Variants in VSNL1 observed in about 807,000 individuals in gnomAD.
VSNL1 encodes visinin-like protein 1.
VSNL1 carries 6 observed loss-of-function variants against 20.4 expected under a neutral mutation model. The observed-to-expected ratio is 0.29, with a 90% CI of 0.16 to 0.58. VSNL1 has a LOEUF of 0.58. VSNL1 is among the 20% of genes least tolerant of loss of function. The probability of loss-of-function intolerance (pLI) is 0.90; values close to 1 mark genes in which losing one functional copy is unlikely to be tolerated. For synonymous variants in VSNL1, 93 were observed against 86.4 expected, an observed-to-expected ratio of 1.08 and a Z score of -0.42; for missense variants, 100 against 234.5, an observed-to-expected ratio of 0.43 and a Z score of 3.75.
At chr2:17,645,219 A>G (rs750434533) in intron 2 of VSNL1, among the ~76,000 whole-genome samples, 10 of 152,240 alleles carry the variant, frequency 6.6e-5, no homozygotes, top group Non-Finnish European at 1.0e-4. Context: ...CCTCCGAAGT[A>G]GCCTTGCTGC....
intron 2 of VSNL1, among the ~76,000 whole-genome samples, chr2:17,604,137 G>A (rs1347175966): frequency 6.6e-6 from 1 of 152,224 alleles, no homozygotes; most frequent in East Asian, 1.9e-4. Context: ...AAGGGAGAGA[G>A]CAGGTTGAGG....
intron 2 of VSNL1, among the ~76,000 whole-genome samples, chr2:17,598,846 T>C (rs1209042612): frequency 6.6e-6 from 1 of 152,258 alleles, no homozygotes; most frequent in Non-Finnish European, 1.5e-5. Context: ...TAAGTTATAC[T>C]TTCAAACAAA....
intron 1 of VSNL1, among the ~76,000 whole-genome samples, chr2:17,553,807 C>G (rs1054270988): frequency 2.0e-5 from 3 of 152,160 alleles, no homozygotes; most frequent in African/African-American, 7.2e-5. Context: ...GAAATAATAT[C>G]CATTAAATGC....
intron 2 of VSNL1, among the ~76,000 whole-genome samples, chr2:17,608,707 T>C (rs988864026): frequency 2.0e-5 from 3 of 152,008 alleles, no homozygotes; most frequent in Non-Finnish European, 4.4e-5. Flanking sequence ...ATTGGGAAAA[T>C]GGGGATTCTG....
chr2:17,566,732 C>T (rs2680832), intron 1 of VSNL1, among the ~76,000 whole-genome samples: 77,810 of 151,968 alleles, frequency 0.51, 22,765 homozygotes, highest in East Asian at 0.89. Flanking sequence ...GATTTATCAA[C>T]CTCTTACCAT....
At chr2:17,609,822 C>A (rs2103392211) in intron 2 of VSNL1, among the ~76,000 whole-genome samples, 1 of 152,280 alleles carries the variant, frequency 6.6e-6, no homozygotes, top group East Asian at 1.9e-4. Context: ...TGATGGGGTT[C>A]ATTTTGAAAA....
chr2:17,608,145 C>T (rs985528129), intron 2 of VSNL1, among the ~76,000 whole-genome samples: 18 of 152,186 alleles, frequency 1.2e-4, no homozygotes, highest in African/African-American at 3.6e-4. Context: ...GAGTTTGTAA[C>T]GAGATATTCA....
intron 2 of VSNL1, among the ~76,000 whole-genome samples, chr2:17,609,973 A>G (rs62132149): frequency 0.054 from 8,234 of 152,284 alleles, 258 homozygotes; most frequent in East Asian, 0.092. Context: ...GTTGACTGTA[A>G]CTACTACTTT....
At chr2:17,637,401 C>G (rs995244019) in intron 2 of VSNL1, among the ~76,000 whole-genome samples, 9 of 152,342 alleles carry the variant, frequency 5.9e-5, no homozygotes, top group African/African-American at 1.9e-4. Flanking sequence ...CCTTGCTCCC[C>G]CTTAGGCAGG....
At chr2:17,605,673 A>T (rs1368187112) in intron 2 of VSNL1, among the ~76,000 whole-genome samples, 12 of 152,206 alleles carry the variant, frequency 7.9e-5, no homozygotes, top group Admixed American at 3.3e-4. Context: ...ACAGGATCAC[A>T]TTTGACACCA....
chr2:17,589,084 C>T (rs1664540881), intron 1 of VSNL1, among the ~76,000 whole-genome samples: 1 of 151,958 alleles, frequency 6.6e-6, no homozygotes, highest in South Asian at 2.1e-4. Flanking sequence ...CATGGAGAGT[C>T]CACGAAGGTT....
intron 2 of VSNL1, among the ~76,000 whole-genome samples, chr2:17,601,524 T>C (rs978321846): frequency 6.6e-6 from 1 of 151,962 alleles, no homozygotes; most frequent in East Asian, 1.9e-4. Context: ...TAATCCCAAC[T>C]ACTGGGGAGG....
At chr2:17,585,164 G>A (rs1249145861) in intron 1 of VSNL1, among the ~76,000 whole-genome samples, 2 of 152,096 alleles carry the variant, frequency 1.3e-5, no homozygotes, top group East Asian at 1.9e-4. Flanking sequence ...GGAGATTCAG[G>A]TTTTGAGGTA....
chr2:17,654,222 A>T (rs897793951), intron 3 of VSNL1, among the ~76,000 whole-genome samples: 14 of 152,244 alleles, frequency 9.2e-5, no homozygotes, highest in African/African-American at 2.7e-4. Flanking sequence ...TTTCTAAGAA[A>T]GGAAATAATT....
intron 2 of VSNL1, among the ~76,000 whole-genome samples, chr2:17,621,290 C>G (rs1407671497): frequency 6.9e-6 from 1 of 145,198 alleles, no homozygotes; most frequent in East Asian, 2.0e-4. Flanking sequence ...CTTTTTTTCT[C>G]TCTCTCTTTT....
rs557501007 is a variant in VSNL1, at chr2:17,574,991, T to C, written c.-5-17079T>C. 2.0e-5 allele frequency among the ~76,000 whole-genome samples: 3 copies of C among 152,224 alleles called. No individual in the cohort carries two copies. The South Asian group carries it at 6.2e-4, about 32-fold the overall frequency. On this transcript the variant is annotated intron_variant, in intron 1 of 3. Coordinates refer to ENST00000295156, the MANE Select transcript of VSNL1 (RefSeq NM_003385.5). ...TTCCTTCCTCTCTTTTCTTTTCTCT[T>C]CTTTTCTATGTATTTTTTGTAGAGA...
intron 2 of VSNL1, among the ~76,000 whole-genome samples, chr2:17,617,066 T>C (rs1023072116): frequency 6.6e-6 from 1 of 152,136 alleles, no homozygotes; most frequent in South Asian, 2.1e-4. Flanking sequence ...TGTTCCTTAG[T>C]CTAAATTTAT....
intron 1 of VSNL1, among the ~76,000 whole-genome samples, chr2:17,557,512 G>GA (rs1392509251): frequency 3.3e-5 from 5 of 152,160 alleles, no homozygotes; most frequent in African/African-American, 1.2e-4. Context: ...AATGCTGTAA[G>GA]AAAGTGTAAC....
rs975725126 is a variant in VSNL1 at position 17,655,932 on chromosome 2, G to A, written c.*538G>A. The A allele has an allele frequency of 1.3e-5, 2 of 153,032 alleles. No homozygotes were observed. Among genetic ancestry groups the A allele is most frequent in the African/African-American group, 4.8e-5 (2 of 41,408 alleles). 9.5% of individuals were successfully genotyped at this position (153,032 alleles called of 1,614,324 possible). A position where few individuals can be genotyped will look rare whatever the true frequency, so the allele number is the denominator to read the frequency against. On this transcript the variant is annotated 3_prime_UTR_variant, in exon 4 of 4. Coordinates refer to ENST00000295156, the MANE Select transcript of VSNL1 (RefSeq NM_003385.5). This position sits in a 1 kb window ranked among gnomAD's most constrained non-coding sequence, Gnocchi z 5.2. ...AATGTACTACATTTGCATGCCTTTT[G>A]GGTTTGCCTTAATTCTTACCTCATT...
Sources: gnomAD v4.1 joint callset for allele counts (sites outside exome capture counted in the v4.1 genomes callset) on GRCh38, gnomAD v4.1.1 for gene constraint, Gnocchi (gnomAD v3.1) non-coding constraint, MANE v1.5 for transcripts, NCBI Gene and HGNC (gene_info 2026-07-23, HGNC 2026-07-21) for gene names.